Variants in PBX1 observed in about 807,000 individuals in gnomAD.
PBX1 encodes the protein PBX homeobox 1.
A neutral mutation model predicts 53.4 loss-of-function variants in PBX1; 6 were observed. The ratio of observed to expected loss-of-function variants is 0.11; its 90% CI spans 0.06 to 0.22. The LOEUF is 0.22. Among genes scored for constraint, PBX1 ranks in the 10% least tolerant of loss-of-function variants. PBX1 has a pLI of 1.00. For synonymous variants in PBX1, 204 were observed against 212.3 expected, an observed-to-expected ratio of 0.96 and a Z score of 0.34; for missense variants, 251 against 551.4, an observed-to-expected ratio of 0.46 and a Z score of 5.46.
intron 2 of PBX1, among the ~76,000 whole-genome samples, chr1:164,592,265 C>T (rs996464005): frequency 2.0e-5 from 3 of 152,216 alleles, no homozygotes; most frequent in African/African-American, 7.2e-5. Context: ...GGATGAGGTT[C>T]ATCCCAGTAT....
intron 2 of PBX1, among the ~76,000 whole-genome samples, chr1:164,882,448 T>C (rs1161993577): frequency 6.6e-6 from 1 of 152,212 alleles, no homozygotes; most frequent in Non-Finnish European, 1.5e-5. Flanking sequence ...ATTAAAATTG[T>C]CCATACGTAA....
chr1:164,779,547 G>A (rs1336425940), intron 2 of PBX1, among the ~76,000 whole-genome samples: 2 of 152,180 alleles, frequency 1.3e-5, no homozygotes, highest in African/African-American at 4.8e-5. Context: ...AAAGCAGGCA[G>A]CACCGAAAGA....
At chr1:164,571,918 C>CATTTT (rs1557867060) in intron 2 of PBX1, among the ~76,000 whole-genome samples, 1 of 42,342 alleles carries the variant, frequency 2.4e-5, no homozygotes, top group African/African-American at 8.7e-5. Context: ...TATATATATG[C>CATTTT]TTTTTTTTTT....
intron 2 of PBX1, among the ~76,000 whole-genome samples, chr1:164,691,187 G>C (rs1316595814): frequency 6.6e-6 from 1 of 151,562 alleles, no homozygotes; most frequent in African/African-American, 2.4e-5. Context: ...GCTAATTTTT[G>C]TATTTTTTGT....
chr1:164,854,492 G>C (rs1007946749), downstream of PBX1, among the ~76,000 whole-genome samples: 1 of 152,078 alleles, frequency 6.6e-6, no homozygotes, highest in Admixed American at 6.5e-5. Context: ...AGTTCAAGAA[G>C]GTTGTTTTAA....
chr1:164,797,509 A>G (rs951414293), intron 3 of PBX1, among the ~76,000 whole-genome samples: 1 of 152,120 alleles, frequency 6.6e-6, no homozygotes, highest in Non-Finnish European at 1.5e-5. Flanking sequence ...AGCTTACTAT[A>G]TAGATCTCGT....
chr1:164,885,919 A>G (rs1263992717), intron 2 of PBX1, among the ~76,000 whole-genome samples: 3 of 152,068 alleles, frequency 2.0e-5, no homozygotes, highest in Non-Finnish European at 4.4e-5. Context: ...CAATTATCTT[A>G]TTTATTGCCT....
At chr1:164,884,513 G>T (rs1431130068) in intron 2 of PBX1, 1 of 497,602 alleles carries the variant, frequency 2.0e-6, no homozygotes, top group Non-Finnish European at 4.0e-6. Context: ...AAAGTTGTGA[G>T]TTAAACTGGA....
downstream of PBX1, among the ~76,000 whole-genome samples, chr1:164,853,780 G>A (rs1286962148): frequency 6.6e-6 from 1 of 152,046 alleles, no homozygotes; most frequent in Non-Finnish European, 1.5e-5. Context: ...GCAGCCAGCA[G>A]TCATCTTAAA....
intron 2 of PBX1, among the ~76,000 whole-genome samples, chr1:164,723,160 T>C (rs564474571): frequency 1.4e-4 from 22 of 152,324 alleles, no homozygotes; most frequent in African/African-American, 5.3e-4. Flanking sequence ...TTGGGCATTA[T>C]GCATCTGTCA....
At chr1:164,875,723 A>T (rs1319358817) in intron 2 of PBX1, among the ~76,000 whole-genome samples, 1 of 152,064 alleles carries the variant, frequency 6.6e-6, no homozygotes, top group Non-Finnish European at 1.5e-5. Flanking sequence ...CTGGCAGCCA[A>T]CCACACTCCT....
At chr1:164,661,389 G>A (rs536331714) in intron 2 of PBX1, among the ~76,000 whole-genome samples, 3 of 151,438 alleles carry the variant, frequency 2.0e-5, no homozygotes, top group Admixed American at 6.6e-5. Context: ...CTGATATTGT[G>A]GTCTAGGGAT....
At chr1:164,809,673 T>C (rs553540504) in intron 5 of PBX1, among the ~76,000 whole-genome samples, 1 of 152,328 alleles carries the variant, frequency 6.6e-6, no homozygotes, top group Admixed American at 6.5e-5. Flanking sequence ...TGTATCATTA[T>C]TGTCTTTTTT....
rs370675970 is a variant in PBX1, at chr1:164,842,276, C to T, written c.1201-4308C>T. On this transcript the variant is annotated intron_variant, in intron 8 of 8. Transcript: ENST00000420696. ...TCACGTGTCCTGTCAGGAGAAACCA[C>T]GTGGGTTTTCCCATCTGCCATTGCC... Among the ~76,000 whole-genome samples, 8 of 152,278 alleles carry T rather than the reference C, an allele frequency of 5.3e-5. No homozygotes were observed. In the South Asian group the frequency reaches 8.3e-4, roughly 16 times the overall value.
chr1:164,564,296 G>GTCAATAAT (rs1214498081), intron 2 of PBX1, among the ~76,000 whole-genome samples: 2 of 151,952 alleles, frequency 1.3e-5, no homozygotes, highest in Non-Finnish European at 2.9e-5. Context: ...GAGTGTAACA[G>GTCAATAAT]TCAATAATTC....
At chr1:164,695,922 T>C (rs974569418) in intron 2 of PBX1, among the ~76,000 whole-genome samples, 3 of 152,196 alleles carry the variant, frequency 2.0e-5, no homozygotes, top group African/African-American at 7.2e-5. Context: ...ATGGTCTGTT[T>C]GTAGGACTTC....
chr1:164,825,670 A>G (rs1237095296), intron 8 of PBX1, among the ~76,000 whole-genome samples: 1 of 152,188 alleles, frequency 6.6e-6, no homozygotes, highest in Non-Finnish European at 1.5e-5. Context: ...TAAGATTCAA[A>G]TCAGCAGTAA....
chr1:164,613,296 C>T (rs1045871883), intron 2 of PBX1, among the ~76,000 whole-genome samples: 14 of 152,140 alleles, frequency 9.2e-5, no homozygotes, highest in Non-Finnish European at 2.1e-4. Context: ...ATACGGAAAA[C>T]CTTTCTGGAC....
At chr1:164,603,961 T>TTTTTTTA (rs1553214847) in intron 2 of PBX1, among the ~76,000 whole-genome samples, 13 of 132,024 alleles carry the variant, frequency 9.8e-5, no homozygotes, top group African/African-American at 3.7e-4. Flanking sequence ...TTTTTTTTTT[T>TTTTTTTA]TAGAGATGAG....
Sources: gnomAD v4.1 joint callset for allele counts (sites outside exome capture counted in the v4.1 genomes callset) on GRCh38, gnomAD v4.1.1 for gene constraint, MANE v1.5 for transcripts, NCBI Gene and HGNC (gene_info 2026-07-23, HGNC 2026-07-21) for gene names.